Variants in NREP observed in about 807,000 individuals in gnomAD.
NREP encodes the protein neuronal regeneration-related protein.
Under a neutral mutation model 8.6 loss-of-function variants are expected in NREP, and 5 were observed. The observed-to-expected ratio is 0.58, with a 90% confidence interval of 0.30 to 1.22. The LOEUF is 1.22. Ranked by LOEUF, NREP falls within the 50% of genes most tolerant of loss-of-function variation. The pLI, the probability that NREP is intolerant of heterozygous loss-of-function variation, is 0.07. For missense variants in NREP, 86 were observed against 82.5 expected, an observed-to-expected ratio of 1.04 and a Z score of -0.17; for synonymous variants, 27 against 28.0, an observed-to-expected ratio of 0.96 and a Z score of 0.11.
At chr5:111,785,236 G>A (rs1421653737) in intron 2 of NREP, among the ~76,000 whole-genome samples, 1 of 152,054 alleles carries the variant, frequency 6.6e-6, no homozygotes, top group Non-Finnish European at 1.5e-5. Flanking sequence ...TTTGTTAAAC[G>A]TAGAGATATT....
chr5:111,773,602 C>T lies in NREP; in HGVS notation c.136-38095G>A, dbSNP rs770526333. On this transcript the variant is annotated intron_variant, in intron 2 of 3. Transcript: ENST00000395634. ...TGCAACAAAGATCTACAAGAATTTG[C>T]CCCTTGGTACATTATAATCAAAATT... Among the ~76,000 whole-genome samples, 6 of 152,192 alleles carry T rather than the reference C, an allele frequency of 3.9e-5. No individual in the cohort carries two copies. In the East Asian group the frequency reaches 5.8e-4, roughly 15 times the overall value.
rs117978782 is a variant in NREP, at chr5:111,877,970, A to G, written c.135+97304T>C. ...AGAGGACATGCCTTAGGCATCCACCACAATCACTTCATTGATATTGAAGCA... is the reference window on the plus strand; with the variant it reads ...AGAGGACATGCCTTAGGCATCCACCGCAATCACTTCATTGATATTGAAGCA... On this transcript the variant is annotated intron_variant, in intron 2 of 3. Coordinates refer to the NREP transcript ENST00000395634. Among the ~76,000 whole-genome samples the G allele has an allele frequency of 2.8e-3, 433 of 152,338 alleles. 14 individuals are homozygous for G. In the East Asian group the frequency reaches 0.063, roughly 22 times the overall value.
chr5:111,975,892 T>G (rs1285033790), intron 1 of NREP, among the ~76,000 whole-genome samples: 1 of 152,216 alleles, frequency 6.6e-6, no homozygotes, highest in Non-Finnish European at 1.5e-5. Flanking sequence ...GACTCACTGA[T>G]GCTTTGTATT....
chr5:111,742,402 G>A (rs1017392099), intron 2 of NREP, among the ~76,000 whole-genome samples: 1 of 152,072 alleles, frequency 6.6e-6, no homozygotes, highest in Non-Finnish European at 1.5e-5. Context: ...GGCACAGAAA[G>A]GAAAAGGAAA....
chr5:111,747,598 G>A (rs1750088002), intron 2 of NREP, among the ~76,000 whole-genome samples: 1 of 152,080 alleles, frequency 6.6e-6, no homozygotes, highest in African/African-American at 2.4e-5. Context: ...TTACCTATTG[G>A]TGAGTCTTTG....
intron 2 of NREP, among the ~76,000 whole-genome samples, chr5:111,926,979 C>T (rs1237086881): frequency 2.6e-5 from 4 of 151,784 alleles, no homozygotes; most frequent in Non-Finnish European, 5.9e-5. Context: ...CGCTAATTCC[C>T]CTTTGATTCC....
At chr5:111,850,675 T>C (rs778555557) in intron 2 of NREP, among the ~76,000 whole-genome samples, 3 of 152,290 alleles carry the variant, frequency 2.0e-5, no homozygotes, top group Middle Eastern at 3.4e-3. Context: ...CAGTTTTCAA[T>C]TGAGCCTGCT....
chr5:111,751,959 T>C (rs1331985876), intron 2 of NREP, among the ~76,000 whole-genome samples: 2 of 152,226 alleles, frequency 1.3e-5, no homozygotes, highest in East Asian at 3.8e-4. Flanking sequence ...GCCCAGTGCA[T>C]CTGAATGCCA....
chr5:111,782,411 G>A (rs747590386), intron 2 of NREP, among the ~76,000 whole-genome samples: 4 of 152,228 alleles, frequency 2.6e-5, no homozygotes, highest in Admixed American at 6.5e-5. Context: ...ATGTGTTGGA[G>A]TATAAATGGC....
At chr5:111,798,642 G>A (rs1751927396) in intron 2 of NREP, among the ~76,000 whole-genome samples, 1 of 151,976 alleles carries the variant, frequency 6.6e-6, no homozygotes, top group Non-Finnish European at 1.5e-5. Flanking sequence ...CCATTCCTGA[G>A]TTACTTCATT....
intron 2 of NREP, among the ~76,000 whole-genome samples, chr5:111,790,102 GCAAAGACCATAGTTAATT>G (rs1172854096): frequency 6.6e-6 from 1 of 152,010 alleles, no homozygotes; most frequent in Non-Finnish European, 1.5e-5. Flanking sequence ...AGAAAAAGGA[GCAAAGACCATAGTTAATT>G]CAAAATCAGA....
At chr5:111,909,545 G>T (rs1230043004) in intron 2 of NREP, among the ~76,000 whole-genome samples, 1 of 152,008 alleles carries the variant, frequency 6.6e-6, no homozygotes. Flanking sequence ...TGGGAAATAG[G>T]CTGGATGACA....
rs1751536089 is a variant in NREP, at chr5:111,783,274, G to A, written c.136-47767C>T. On this transcript the variant is annotated intron_variant, in intron 2 of 3. Coordinates refer to the NREP transcript ENST00000395634. ...AACTCCCTGAGGTAATTTGTGTTGTGTATAAATTCCTGCTTTAGCAGATTT... is the reference window on the plus strand; with the variant it reads ...AACTCCCTGAGGTAATTTGTGTTGTATATAAATTCCTGCTTTAGCAGATTT... Among the ~76,000 whole-genome samples, 9 of 152,178 alleles carry A rather than the reference G, an allele frequency of 5.9e-5. No homozygotes were observed. In the South Asian group the frequency reaches 1.9e-3, roughly 32 times the overall value.
chr5:111,905,669 T>C (rs1754764204), intron 2 of NREP, among the ~76,000 whole-genome samples: 1 of 152,138 alleles, frequency 6.6e-6, no homozygotes. Context: ...TTCAATGTTT[T>C]AGTGCTGTTG....
intron 2 of NREP, among the ~76,000 whole-genome samples, chr5:111,941,577 TAG>T (rs1273428007): frequency 3.2e-4 from 49 of 152,206 alleles, no homozygotes; most frequent in African/African-American, 1.2e-3. Flanking sequence ...TGTCTCCAAA[TAG>T]AGTCACATTC....
chr5:111,964,156 T>A (rs1256719063), intron 2 of NREP, among the ~76,000 whole-genome samples: 1 of 152,208 alleles, frequency 6.6e-6, no homozygotes. Flanking sequence ...GTTTTACTAC[T>A]TATTCCCCAA....
intron 2 of NREP, among the ~76,000 whole-genome samples, chr5:111,954,098 C>A (rs1019190982): frequency 6.6e-6 from 1 of 152,122 alleles, no homozygotes; most frequent in Non-Finnish European, 1.5e-5. Flanking sequence ...ATGATTAAGT[C>A]TCTCATGATC....
At chr5:111,813,435 G>T (rs906897097) in intron 2 of NREP, among the ~76,000 whole-genome samples, 5 of 152,064 alleles carry the variant, frequency 3.3e-5, no homozygotes, top group African/African-American at 1.2e-4. Context: ...ATATAAAGGT[G>T]ATGACTTATA....
rs773894240 is a variant in NREP, at chr5:111,735,513, G to T, written c.4-6C>A. 23 of 1,605,756 alleles carry T rather than the reference G, an allele frequency of 1.4e-5. No homozygotes were observed. Among genetic ancestry groups the T allele is most frequent in the Non-Finnish European group, 2.0e-5 (23 of 1,173,230 alleles). Reference sequence around the variant, plus strand: ...AAGAGTTCTGGGTAATAAACCTATAGAGACACAAAAGCATACACATTCAGA... The same window carrying T: ...AAGAGTTCTGGGTAATAAACCTATATAGACACAAAAGCATACACATTCAGA... On this transcript the variant is annotated splice_region_variant and splice_polypyrimidine_tract_variant and intron_variant, in intron 2 of 3. Coordinates refer to ENST00000257435, the MANE Select transcript of NREP (RefSeq NM_004772.4).
Sources: gnomAD v4.1 joint callset for allele counts (sites outside exome capture counted in the v4.1 genomes callset) on GRCh38, gnomAD v4.1.1 for gene constraint, MANE v1.5 for transcripts, NCBI Gene and HGNC (gene_info 2026-07-23, HGNC 2026-07-21) for gene names.